DPP6: variants seen among roughly 807,000 people sequenced by gnomAD.
The protein encoded by DPP6 is dipeptidyl peptidase like 6.
DPP6 carries 69 observed loss-of-function variants against 122.6 expected under a neutral mutation model. The ratio of observed to expected loss-of-function variants is 0.56; its 90% confidence interval spans 0.46 to 0.69. The LOEUF is 0.69. Ranked by LOEUF, DPP6 falls within the 30% of genes least tolerant of loss-of-function variation. The pLI is 0.00. For synonymous variants in DPP6, 418 were observed against 433.1 expected, an observed-to-expected ratio of 0.97 and a Z score of 0.43; for missense variants, 928 against 1,116.9, an observed-to-expected ratio of 0.83 and a Z score of 2.41.
In DPP6 at chr7:154,249,080, T is replaced by TA. The variant is rs1285310345; in HGVS notation, c.243+196018dup. On this transcript the variant is annotated intron_variant, in intron 1 of 25. Transcript: ENST00000377770. ...AGCCATAGATAAGAATCTGGGGACT[T>TA]ACGGGTGTTGAAAACTCACGGTGGG... Among the ~76,000 whole-genome samples the TA allele has an allele frequency of 1.1e-4, 16 of 152,346 alleles. No individual in the cohort carries two copies. In the East Asian group the frequency reaches 2.9e-3, roughly 28 times the overall value.
chr7:154,242,863 C>T (rs895419844), intron 1 of DPP6, among the ~76,000 whole-genome samples: 1 of 152,204 alleles, frequency 6.6e-6, no homozygotes, highest in Admixed American at 6.5e-5. Flanking sequence ...GCAGTGGTTG[C>T]CTTCTGCAGG....
rs1264199155 is a variant in DPP6 at position 154,821,488 on chromosome 7, T to C, written c.1666+14376T>C. On this transcript the variant is annotated intron_variant, in intron 16 of 25. Coordinates refer to ENST00000377770, the MANE Select transcript of DPP6 (RefSeq NM_130797.4). The surrounding 1 kb of genome is among the most constrained non-coding windows in gnomAD (Gnocchi z 4.2). ...GTACTCTTAGCCTAGCATTCAAGGC[T>C]GCATACAATCTGGCCACATCCTACT... Among the ~76,000 whole-genome samples the C allele has an allele frequency of 6.6e-6, 1 of 151,974 alleles. No individual in the cohort carries two copies. Among genetic ancestry groups the C allele is most frequent in the African/African-American group, 2.4e-5 (1 of 41,392 alleles).
chr7:154,102,253 A>G (rs1805788479), intron 1 of DPP6, among the ~76,000 whole-genome samples: 1 of 151,954 alleles, frequency 6.6e-6, no homozygotes, highest in African/African-American at 2.4e-5. Context: ...TGAATGGCAC[A>G]GTCTCGGCTC....
chr7:153,880,347 A>C, the DPP6 span, among the ~76,000 whole-genome samples: 1 of 152,232 alleles, frequency 6.6e-6, no homozygotes. Context: ...GTTCAAAGAT[A>C]CTAGGAATCA....
At chr7:154,675,706 G>A (rs1165562955) in intron 7 of DPP6, among the ~76,000 whole-genome samples, 2 of 152,098 alleles carry the variant, frequency 1.3e-5, no homozygotes, top group African/African-American at 2.4e-5. Flanking sequence ...GCTTCTGATG[G>A]CACATTCACC....
chr7:153,841,091 G>C, the DPP6 span, among the ~76,000 whole-genome samples: 1 of 152,196 alleles, frequency 6.6e-6, no homozygotes, highest in African/African-American at 2.4e-5. Context: ...CCTGCGGTTT[G>C]AGTCTCAGGC....
At chr7:153,977,921 T>C (rs1460932050) in intron 1 of DPP6, among the ~76,000 whole-genome samples, 5 of 152,142 alleles carry the variant, frequency 3.3e-5, no homozygotes, top group Non-Finnish European at 5.9e-5. Context: ...CCATGGTGTA[T>C]ATGTGCCACA....
the DPP6 span, among the ~76,000 whole-genome samples, chr7:153,837,828 GC>G: frequency 8.6e-6 from 1 of 116,246 alleles, no homozygotes; most frequent in Admixed American, 8.6e-5. Context: ...CTGCCACCAT[GC>G]CTGGTTAATT....
intron 7 of DPP6, among the ~76,000 whole-genome samples, chr7:154,680,686 ATTTT>A (rs11295169): frequency 5.0e-4 from 67 of 133,496 alleles, no homozygotes; most frequent in Middle Eastern, 3.8e-3. Flanking sequence ...TTATATATAT[ATTTT>A]TTTTAAAAAA....
chr7:154,600,024 G>T (rs1043542167), intron 5 of DPP6, among the ~76,000 whole-genome samples: 1 of 152,108 alleles, frequency 6.6e-6, no homozygotes, highest in African/African-American at 2.4e-5. Context: ...CTCATGGATG[G>T]CTCCAGTCCC....
At chr7:154,749,934 T>G in intron 8 of DPP6, among the ~76,000 whole-genome samples, 2 of 110,420 alleles carry the variant, frequency 1.8e-5, no homozygotes, top group East Asian at 2.6e-4. Flanking sequence ...TGAGCGAGGG[T>G]GAGAGAGCAT....
intron 2 of DPP6, among the ~76,000 whole-genome samples, chr7:154,468,968 G>A (rs1048117935): frequency 8.5e-5 from 13 of 152,088 alleles, no homozygotes; most frequent in Non-Finnish European, 1.3e-4. Context: ...AAAAGTAAGC[G>A]AAAATACAAG....
intron 1 of DPP6, among the ~76,000 whole-genome samples, chr7:154,339,211 A>G (rs1401111432): frequency 2.0e-5 from 3 of 152,248 alleles, no homozygotes; most frequent in Non-Finnish European, 4.4e-5. Flanking sequence ...CGCGTTAAGC[A>G]GTGCGTGCAA....
intron 1 of DPP6, among the ~76,000 whole-genome samples, chr7:154,033,964 G>A (rs550025983): frequency 3.3e-5 from 5 of 152,298 alleles, no homozygotes; most frequent in African/African-American, 1.2e-4. Context: ...CACACAGCAC[G>A]TGTTTATAGA....
chr7:154,739,939 A>T (rs12154857), intron 8 of DPP6, among the ~76,000 whole-genome samples: 38,625 of 152,188 alleles, frequency 0.25, 5,960 homozygotes, highest in Non-Finnish European at 0.35. Flanking sequence ...CCACATTTGA[A>T]AATCCAGTAG....
chr7:153,947,148 C>T (rs912923312), intron 1 of DPP6, among the ~76,000 whole-genome samples: 3 of 152,194 alleles, frequency 2.0e-5, no homozygotes, highest in Non-Finnish European at 4.4e-5. Context: ...CAATGTACTT[C>T]GCTAGCAGTA....
rs146429966 is a variant in DPP6 at position 154,725,969 on chromosome 7, G to C, written c.763-1798G>C. On this transcript the variant is annotated intron_variant, in intron 7 of 25. Coordinates refer to ENST00000377770, the MANE Select transcript of DPP6 (RefSeq NM_130797.4). ...CTGAAACCCAGCAGGGCAGTCATTA[G>C]ATCTTAAAGCTCCAAAATGATCTCC... is the stretch of plus-strand genomic sequence containing the variant. 7.3e-3 allele frequency among the ~76,000 whole-genome samples: 1,109 copies of C among 152,324 alleles called. 9 individuals are homozygous for C. The highest frequency in any genetic ancestry group is 0.025 in the African/African-American group (1,032 of 41,576).
intron 1 of DPP6, among the ~76,000 whole-genome samples, chr7:153,929,572 G>T (rs1472840291): frequency 6.6e-6 from 1 of 152,016 alleles, no homozygotes; most frequent in African/African-American, 2.4e-5. Flanking sequence ...AATACAGATA[G>T]AGGAGAGAGC....
intron 1 of DPP6, among the ~76,000 whole-genome samples, chr7:154,395,611 G>T (rs1815011509): frequency 6.6e-6 from 1 of 150,840 alleles, no homozygotes; most frequent in African/African-American, 2.4e-5. Context: ...TTGAAATTTT[G>T]CAGAATGTAC....
Sources: gnomAD v4.1 joint callset for allele counts (sites outside exome capture counted in the v4.1 genomes callset) on GRCh38, gnomAD v4.1.1 for gene constraint, Gnocchi (gnomAD v3.1) non-coding constraint, MANE v1.5 for transcripts, NCBI Gene and HGNC (gene_info 2026-07-23, HGNC 2026-07-21) for gene names.